The following KCNAB1 variants were observed in gnomAD, a reference collection of about 807,000 sequenced individuals.
KCNAB1 encodes potassium voltage-gated channel subfamily A regulatory beta subunit 1.
Under a neutral mutation model 64.6 loss-of-function variants are expected in KCNAB1, and 35 were observed. That is an observed-to-expected ratio of 0.54 (90% confidence interval 0.41 to 0.72). The LOEUF is 0.72. KCNAB1 is among the 30% of genes least tolerant of loss of function. KCNAB1 has a pLI of 0.00. For missense variants in KCNAB1, 401 were observed against 512.9 expected (o/e 0.78, Z 2.11); for synonymous variants, 177 against 183.8 (o/e 0.96, Z 0.30).
intron 1 of KCNAB1, among the ~76,000 whole-genome samples, chr3:156,269,741 C>G (rs1388886562): frequency 1.3e-5 from 2 of 151,950 alleles, no homozygotes; most frequent in East Asian, 3.9e-4. Flanking sequence ...TTGTCTCTTT[C>G]TATAGTTTTT....
In KCNAB1 at chr3:156,252,177, G is replaced by T. The variant is rs144883135; in HGVS notation, c.275+131291G>T. Among the ~76,000 whole-genome samples, 197 of 152,340 alleles carry T rather than the reference G, an allele frequency of 1.3e-3. No individual in the cohort carries two copies. In the South Asian group the frequency reaches 0.017, roughly 13 times the overall value. ...TGGGCCATACAGACATTGGGATATT[G>T]CCTTGGCATCTCTGATGCAGGAAAC... On this transcript the variant is annotated intron_variant, in intron 1 of 13. Transcript: ENST00000490337.
intron 5 of KCNAB1, among the ~76,000 whole-genome samples, chr3:156,461,046 T>C: frequency 6.6e-6 from 1 of 152,224 alleles, no homozygotes; most frequent in East Asian, 1.9e-4. Flanking sequence ...AATAGAAAAC[T>C]ATATTCCACC....
Position 156,248,802 on chromosome 3 carries a change from G to T in KCNAB1, c.275+127916G>T, listed in dbSNP as rs747477199. On this transcript the variant is annotated intron_variant, in intron 1 of 13. Transcript: ENST00000490337. ...AGTATTTTCCCCCTGGTTAAGCCAG[G>T]TGAAGCTCCACGTGATATGAGCCCT... Among the ~76,000 whole-genome samples, 4 of 152,268 alleles carry T rather than the reference G, an allele frequency of 2.6e-5. 1 individual carries two copies. The South Asian group carries it at 6.2e-4, about 24-fold the overall frequency.
At chr3:156,396,568 G>A (rs1032968289) in intron 1 of KCNAB1, among the ~76,000 whole-genome samples, 3 of 152,156 alleles carry the variant, frequency 2.0e-5, no homozygotes, top group Non-Finnish European at 4.4e-5. Flanking sequence ...TGCCTCCAGT[G>A]ACTCCATCCT....
At chr3:156,166,867 C>T (rs1414413584) in intron 1 of KCNAB1, among the ~76,000 whole-genome samples, 1 of 152,118 alleles carries the variant, frequency 6.6e-6, no homozygotes, top group Non-Finnish European at 1.5e-5. Context: ...TTTCATGTAA[C>T]GTTCTGCGAA....
chr3:156,275,586 T>C (rs1433508450), intron 1 of KCNAB1, among the ~76,000 whole-genome samples: 1 of 152,244 alleles, frequency 6.6e-6, no homozygotes, highest in Non-Finnish European at 1.5e-5. Flanking sequence ...ACTCTGCCAC[T>C]GCTTGATCAA....
chr3:156,455,551 C>T (rs888356280), intron 3 of KCNAB1, among the ~76,000 whole-genome samples: 5 of 147,860 alleles, frequency 3.4e-5, no homozygotes, highest in Admixed American at 6.6e-5. Context: ...ACTTAATTTT[C>T]GGAGTTTTAT....
chr3:156,530,380 G>C (rs1718619746), intron 12 of KCNAB1, among the ~76,000 whole-genome samples: 1 of 152,142 alleles, frequency 6.6e-6, no homozygotes, highest in Non-Finnish European at 1.5e-5. Flanking sequence ...GGAGGGACTT[G>C]ATTTTCTATA....
chr3:156,168,046 T>C (rs1217602216), intron 1 of KCNAB1, among the ~76,000 whole-genome samples: 3 of 151,994 alleles, frequency 2.0e-5, no homozygotes, highest in Non-Finnish European at 4.4e-5. Flanking sequence ...CCTCAAAAAA[T>C]ACCAAAATTA....
intron 2 of KCNAB1, among the ~76,000 whole-genome samples, chr3:156,432,057 G>A (rs927808003): frequency 6.6e-6 from 1 of 152,112 alleles, no homozygotes; most frequent in African/African-American, 2.4e-5. Context: ...GAAAATTAAA[G>A]AACTCTTAGC....
chr3:156,143,937 A>ATTT (rs869227278), intron 1 of KCNAB1, among the ~76,000 whole-genome samples: 2 of 131,766 alleles, frequency 1.5e-5, no homozygotes, highest in African/African-American at 5.3e-5. Context: ...TTATTTATTT[A>ATTT]TTTTTTAAAT....
At chr3:156,484,069 C>T (rs986442078) in intron 8 of KCNAB1, among the ~76,000 whole-genome samples, 1 of 152,098 alleles carries the variant, frequency 6.6e-6, no homozygotes, top group Non-Finnish European at 1.5e-5. Context: ...CCATAAAGTC[C>T]TGGTTTGAAG....
chr3:156,156,412 T>C (rs1004450167), intron 1 of KCNAB1, among the ~76,000 whole-genome samples: 1 of 152,214 alleles, frequency 6.6e-6, no homozygotes, highest in African/African-American at 2.4e-5. Flanking sequence ...CTGAATGCTA[T>C]GTTGGAAAAT....
chr3:156,426,056 G>A (rs998081858), intron 2 of KCNAB1, among the ~76,000 whole-genome samples: 52 of 152,290 alleles, frequency 3.4e-4, no homozygotes, highest in Admixed American at 2.0e-3. Context: ...AGGTATTGGG[G>A]AACAGCAAGA....
At chr3:156,422,346 A>G (rs1385659839) in intron 2 of KCNAB1, among the ~76,000 whole-genome samples, 2 of 152,184 alleles carry the variant, frequency 1.3e-5, no homozygotes, top group African/African-American at 2.4e-5. Flanking sequence ...TTCAACACCA[A>G]TCAGAGCTGT....
chr3:156,215,964 C>T (rs1448703431), intron 1 of KCNAB1, among the ~76,000 whole-genome samples: 1 of 152,120 alleles, frequency 6.6e-6, no homozygotes, highest in African/African-American at 2.4e-5. Context: ...GACATAGGAC[C>T]ATTTTCAAAA....
intron 1 of KCNAB1, among the ~76,000 whole-genome samples, chr3:156,159,609 T>C (rs1200530707): frequency 3.9e-5 from 6 of 152,190 alleles, no homozygotes; most frequent in Non-Finnish European, 8.8e-5. Context: ...CCCCTCCACA[T>C]ATATTCTTCA....
chr3:156,136,015 C>T (rs1714324275), intron 1 of KCNAB1, among the ~76,000 whole-genome samples: 1 of 152,198 alleles, frequency 6.6e-6, no homozygotes, highest in African/African-American at 2.4e-5. Context: ...ATTTTGTACT[C>T]ATGCAGCCCA....
chr3:156,523,055 A>G (rs2108407426), intron 11 of KCNAB1, among the ~76,000 whole-genome samples: 1 of 152,276 alleles, frequency 6.6e-6, no homozygotes, highest in East Asian at 1.9e-4. Flanking sequence ...GTTCTAAAAG[A>G]TTTTTATCTT....
Sources: allele counts gnomAD v4.1 joint callset (sites outside exome capture counted in the v4.1 genomes callset), GRCh38; gene constraint gnomAD v4.1.1; transcripts MANE v1.5; gene names NCBI Gene and HGNC (gene_info 2026-07-23, HGNC 2026-07-21).